A4GALT: variants seen among roughly 807,000 people sequenced by gnomAD.
The protein encoded by A4GALT is lactosylceramide 4-alpha-galactosyltransferase.
For synonymous variants in A4GALT, 257 were observed against 220.7 expected (o/e 1.16, Z -1.46); for missense variants, 512 against 486.0 (o/e 1.05, Z -0.50).
At chr22:42,708,735 A>T (rs1921395246) in intron 1 of A4GALT, among the ~76,000 whole-genome samples, 1 of 152,174 alleles carries the variant, frequency 6.6e-6, no homozygotes, top group African/African-American at 2.4e-5. Flanking sequence ...TCCCATACAA[A>T]CTAGGAAACG....
At chr22:42,698,573 CAG>C (rs1171906181) in intron 1 of A4GALT, among the ~76,000 whole-genome samples, 1 of 152,198 alleles carries the variant, frequency 6.6e-6, no homozygotes, top group Non-Finnish European at 1.5e-5. Context: ...TGAGTGCTGA[CAG>C]AGAGGCTCCC....
chr22:42,701,443 A>G (rs1931294740), intron 1 of A4GALT, among the ~76,000 whole-genome samples: 1 of 152,196 alleles, frequency 6.6e-6, no homozygotes, highest in Non-Finnish European at 1.5e-5. Context: ...CAGAGTCCCC[A>G]TGACCCTAAG....
At chr22:42,714,414 C>A (rs557773690) in intron 1 of A4GALT, among the ~76,000 whole-genome samples, 4 of 151,490 alleles carry the variant, frequency 2.6e-5, no homozygotes, top group African/African-American at 9.7e-5. Flanking sequence ...ATAGTGAAAC[C>A]CCGTTTCTTC....
chr22:42,693,482 T>C lies in A4GALT; in HGVS notation c.470A>G (p.Asp157Gly), dbSNP rs770354946. 3.1e-6 allele frequency: 5 copies of C among 1,613,030 alleles called. No homozygotes were observed. The highest frequency in any genetic ancestry group is 1.1e-5 in the South Asian group (1 of 91,056). ...GCGCCCCTGCACGGCCGCGTACCAG[T>C]CGGCCAGGGGTGTGTCCCGGAACAG... is the stretch of plus-strand genomic sequence containing the variant. ...RELFRDTPLA[D>G]WYAAVQGRWE... Residue 157 changes from aspartate (D) to glycine (G), a missense_variant, in exon 3 of 3, where the codon GAC becomes GGC. By Grantham distance (94) the Asp-to-Gly change is moderately conservative. Coordinates refer to ENST00000642412, the MANE Select transcript of A4GALT (RefSeq NM_017436.7).
At chr22:42,713,623 C>A (rs535971494) in intron 1 of A4GALT, among the ~76,000 whole-genome samples, 1 of 149,306 alleles carries the variant, frequency 6.7e-6, no homozygotes, top group Non-Finnish European at 1.5e-5. Context: ...ACCAGCCTGG[C>A]CAATCTGGCA....
At position 42,693,608 on chromosome 22, in the gene A4GALT, T is replaced by G. The variant is rs1374794244; in HGVS notation, c.344A>C (p.Lys115Thr). 1.9e-6 allele frequency: 3 copies of G among 1,613,526 alleles called. No individual in the cohort carries two copies. Residue 115 changes from lysine to threonine, a missense_variant, in exon 3 of 3, where the codon AAA becomes ACA. Coordinates refer to ENST00000642412, the MANE Select transcript of A4GALT (RefSeq NM_017436.7). ...AGAGGCGTTGCCACCCGGAAGCCCTTTCATCAGGACCAGCACGTGGGATTC... is the reference window on the plus strand; with the variant it reads ...AGAGGCGTTGCCACCCGGAAGCCCTGTCATCAGGACCAGCACGTGGGATTC... ...HPESHVLVLM[K>T]GLPGGNASLP... is the part of the protein sequence containing the mutation.
intron 1 of A4GALT, among the ~76,000 whole-genome samples, chr22:42,709,395 A>T (rs1449584078): frequency 6.6e-6 from 1 of 152,056 alleles, no homozygotes; most frequent in Non-Finnish European, 1.5e-5. Flanking sequence ...CCAAAACCTG[A>T]CAACGGCTTC....
intron 1 of A4GALT, among the ~76,000 whole-genome samples, chr22:42,706,896 C>G (rs553945796): frequency 6.6e-6 from 1 of 152,108 alleles, no homozygotes; most frequent in South Asian, 2.1e-4. Context: ...AAAATCACAA[C>G]AAACCTCACT....
intron 1 of A4GALT, among the ~76,000 whole-genome samples, chr22:42,717,934 T>C (rs1418972517): frequency 3.3e-5 from 5 of 152,196 alleles, no homozygotes; most frequent in Admixed American, 6.6e-5. Context: ...AGGAGTTTCA[T>C]TTCTAGGAAA....
At position 42,692,790 on chromosome 22, in the gene A4GALT, G is replaced by A. The variant is rs1460303660; in HGVS notation, c.*100C>T. 1 of 1,435,680 alleles carries A rather than the reference G, an allele frequency of 7.0e-7. No individual in the cohort carries two copies. The highest frequency in any genetic ancestry group is 9.6e-7 in the Non-Finnish European group (1 of 1,043,568). 88.9% of individuals were successfully genotyped at this position (1,435,680 alleles called of 1,614,324 possible). Reference sequence around the variant, plus strand: ...AACAGCCTGCCTAAGCCCGGTGGCAGCTCGGGCCTCCCTCTCCCGGGCCCT... The same window carrying A: ...AACAGCCTGCCTAAGCCCGGTGGCAACTCGGGCCTCCCTCTCCCGGGCCCT... On this transcript the variant is annotated 3_prime_UTR_variant, in exon 3 of 3. Transcript: ENST00000642412. The surrounding 1 kb of genome is among the most constrained non-coding windows in gnomAD (Gnocchi z 4.6).
chr22:42,706,592 C>G (rs1288938419), intron 1 of A4GALT, among the ~76,000 whole-genome samples: 2 of 151,772 alleles, frequency 1.3e-5, no homozygotes, highest in Admixed American at 6.6e-5. Flanking sequence ...GTCAGGAGTT[C>G]GAGACCAGCC....
chr22:42,714,014 A>G (rs968641523), intron 1 of A4GALT, among the ~76,000 whole-genome samples: 5 of 150,264 alleles, frequency 3.3e-5, no homozygotes, highest in Non-Finnish European at 7.4e-5. Context: ...GCCAGAGGCC[A>G]GGCACAGTGG....
chr22:42,712,011 T>C (rs1921740694), intron 1 of A4GALT, among the ~76,000 whole-genome samples: 1 of 152,204 alleles, frequency 6.6e-6, no homozygotes, highest in South Asian at 2.1e-4. Flanking sequence ...TCCTGGGAAA[T>C]GCCCTTTGCA....
intron 2 of A4GALT, 107 bp from the exon 3 acceptor site, chr22:42,694,104 C>T (rs1219403002): frequency 1.4e-6 from 1 of 732,104 alleles, no homozygotes; most frequent in Non-Finnish European, 2.2e-6. Flanking sequence ...CTTCCAAGCC[C>T]ATGGGCTCCT....
Position 42,699,244 on chromosome 22 carries a change from C to T in A4GALT, c.-187-3613G>A, listed in dbSNP as rs189449233. Among the ~76,000 whole-genome samples the T allele has an allele frequency of 2.6e-4, 39 of 152,150 alleles. No individual in the cohort carries two copies. The East Asian group carries it at 5.6e-3, about 22-fold the overall frequency. ...GATTACAGGCATGTGCCACCATGCCCGGCTGATTTTTTGTATTTTTAGTAG... is the reference window on the plus strand; with the variant it reads ...GATTACAGGCATGTGCCACCATGCCTGGCTGATTTTTTGTATTTTTAGTAG... On this transcript the variant is annotated intron_variant, in intron 1 of 2. Coordinates refer to ENST00000642412, the MANE Select transcript of A4GALT (RefSeq NM_017436.7).
At chr22:42,703,979 A>G (rs898228314) in intron 1 of A4GALT, among the ~76,000 whole-genome samples, 1 of 152,090 alleles carries the variant, frequency 6.6e-6, no homozygotes, top group Non-Finnish European at 1.5e-5. Context: ...TGCTTTGTCC[A>G]TCAAAGGAGG....
intron 1 of A4GALT, among the ~76,000 whole-genome samples, chr22:42,716,659 A>G (rs1922208002): frequency 6.6e-6 from 1 of 152,130 alleles, no homozygotes; most frequent in African/African-American, 2.4e-5. Flanking sequence ...CACCAGGGCT[A>G]GGGGCTCAAT....
chr22:42,713,051 C>T (rs1415422559), intron 1 of A4GALT, among the ~76,000 whole-genome samples: 1 of 152,214 alleles, frequency 6.6e-6, no homozygotes, highest in Non-Finnish European at 1.5e-5. Context: ...CTACACCCTG[C>T]TCTGTAGCCT....
At position 42,693,946 on chromosome 22, in the gene A4GALT, G is replaced by A. The variant is rs1272708540; in HGVS notation, c.6C>T (p.Ser2=). 1 of 1,581,584 alleles carries A rather than the reference G, an allele frequency of 6.3e-7. No individual in the cohort carries two copies. The highest frequency in any genetic ancestry group is 8.6e-7 in the Non-Finnish European group (1 of 1,164,328). The stretch of plus-strand genomic sequence containing the variant: ...GCCGCAGCAGGAGGTCGGGGGGCTT[G>A]GACATGGTATCCCCAGATCAGACCA... M[S]KPPDLLLRLL... Residue 2 remains serine (S), a synonymous_variant, in exon 3 of 3, where the codon TCC becomes TCT. Coordinates refer to ENST00000642412, the MANE Select transcript of A4GALT (RefSeq NM_017436.7).
Sources: gnomAD v4.1 joint callset for allele counts (sites outside exome capture counted in the v4.1 genomes callset) on GRCh38, gnomAD v4.1.1 for gene constraint, Gnocchi (gnomAD v3.1) non-coding constraint, MANE v1.5 for transcripts, NCBI Gene and HGNC (gene_info 2026-07-23, HGNC 2026-07-21) for gene names.